Variants in WDR27 observed in about 807,000 individuals in gnomAD.
WDR27 encodes the protein WD repeat-containing protein 27.
WDR27 carries 100 observed loss-of-function variants against 114.4 expected under a neutral mutation model. That is an observed-to-expected ratio of 0.87 (90% CI 0.74 to 1.03). The LOEUF is 1.03. Ranked by LOEUF, WDR27 falls within the 50% of genes least tolerant of loss-of-function variation. The probability of loss-of-function intolerance (pLI) is 0.00; values close to 1 mark genes in which losing one functional copy is unlikely to be tolerated. For missense variants in WDR27, 1,129 were observed against 1,092.9 expected (o/e 1.03, Z -0.47); for synonymous variants, 449 against 423.1 (o/e 1.06, Z -0.75).
At chr6:169,517,181 A>G (rs2128058616) in intron 25 of WDR27, among the ~76,000 whole-genome samples, 1 of 151,794 alleles carries the variant, frequency 6.6e-6, no homozygotes, top group Admixed American at 6.6e-5. Context: ...CCCACCACCA[A>G]CTCTCTTTCT....
At chr6:169,518,677 T>C (rs1793983446) in intron 25 of WDR27, among the ~76,000 whole-genome samples, 1 of 152,230 alleles carries the variant, frequency 6.6e-6, no homozygotes, top group African/African-American at 2.4e-5. Context: ...CTTTGAGGCC[T>C]TTTTCCCATT....
chr6:169,526,281 T>G (rs891389698), intron 25 of WDR27, among the ~76,000 whole-genome samples: 4 of 152,196 alleles, frequency 2.6e-5, no homozygotes, highest in Non-Finnish European at 5.9e-5. Flanking sequence ...TTTCATGTTC[T>G]TGGCTTTAGC....
chr6:169,634,192 G>C (rs1817113168), intron 20 of WDR27, among the ~76,000 whole-genome samples: 1 of 152,174 alleles, frequency 6.6e-6, no homozygotes. Flanking sequence ...CCACCTGCTG[G>C]ATGGCATGAG....
At chr6:169,540,431 C>CTTTTT (rs66671017) in intron 25 of WDR27, among the ~76,000 whole-genome samples, 4 of 144,804 alleles carry the variant, frequency 2.8e-5, no homozygotes, top group Non-Finnish European at 4.6e-5. Context: ...TGAATAGAAT[C>CTTTTT]TTTTTTTTTT....
the WDR27 span, among the ~76,000 whole-genome samples, chr6:169,427,869 C>T: frequency 6.6e-6 from 1 of 151,186 alleles, no homozygotes; most frequent in African/African-American, 2.4e-5. Context: ...GCAAACTCCA[C>T]AGCTTTTGAT....
At chr6:169,638,988 A>G (rs558581222) in intron 17 of WDR27, among the ~76,000 whole-genome samples, 95 of 149,870 alleles carry the variant, frequency 6.3e-4, no homozygotes, top group Non-Finnish European at 1.3e-3. Context: ...GGTACTGTGC[A>G]GTGCTGGGTA....
At chr6:169,640,323 A>C (rs1392766077) in intron 17 of WDR27, among the ~76,000 whole-genome samples, 6 of 152,248 alleles carry the variant, frequency 3.9e-5, no homozygotes, top group African/African-American at 1.4e-4. Context: ...TATCAACATA[A>C]AAAAGGCAAA....
intron 3 of WDR27, 94 bp downstream of exon 3, chr6:169,672,161 C>G (rs1778909593): frequency 2.2e-6 from 3 of 1,355,294 alleles, no homozygotes; most frequent in East Asian, 2.4e-5. Context: ...TGCTGTTACC[C>G]AAGGGAAACA....
At chr6:169,535,219 A>G (rs2128085465) in intron 25 of WDR27, among the ~76,000 whole-genome samples, 1 of 152,310 alleles carries the variant, frequency 6.6e-6, no homozygotes, top group South Asian at 2.1e-4. Context: ...ATTGTTTGAT[A>G]CCTAACAGTA....
intron 21 of WDR27, among the ~76,000 whole-genome samples, chr6:169,623,637 C>T (rs923641581): frequency 5.3e-5 from 8 of 152,162 alleles, no homozygotes; most frequent in Admixed American, 3.9e-4. Context: ...GGTGGGGGAG[C>T]ATCAACAACC....
At chr6:169,510,688 G>A (rs1360371411) in intron 25 of WDR27, among the ~76,000 whole-genome samples, 2 of 151,212 alleles carry the variant, frequency 1.3e-5, no homozygotes, top group Non-Finnish European at 2.9e-5. Context: ...GCTAAATGAC[G>A]AGTTAATGGG....
At chr6:169,651,181 GGC>G (rs1423812879) in intron 14 of WDR27, among the ~76,000 whole-genome samples, 5 of 107,320 alleles carry the variant, frequency 4.7e-5, no homozygotes, top group East Asian at 1.1e-3. Flanking sequence ...AGCAGTGCGG[GGC>G]GGGGGGGGGG....
chr6:169,522,592 C>A (rs1350436949), intron 25 of WDR27, among the ~76,000 whole-genome samples: 1 of 151,878 alleles, frequency 6.6e-6, no homozygotes, highest in Non-Finnish European at 1.5e-5. Flanking sequence ...TCAACAAATT[C>A]AAAAATTAGA....
chr6:169,659,142 C>A lies in WDR27; in HGVS notation c.1263G>T (p.Ala421=), dbSNP rs747803849. Residue 421 remains alanine, a synonymous_variant, in exon 12 of 26, where the codon GCG becomes GCT. Transcript: ENST00000448612. The surrounding 1 kb of genome is among the most constrained non-coding windows in gnomAD (Gnocchi z 4.3). The part of the protein sequence containing the change: ...KIAVLEINPA[A]LVRAQQCPSM... ...TGGGGCACTGCTGAGCCCTGACTAG[C>A]GCGGCCGGGTTGATCTCCAACACGG... 4 of 1,611,042 alleles carry A rather than the reference C, an allele frequency of 2.5e-6. No homozygotes were observed. The highest frequency in any genetic ancestry group is 1.3e-5 in the African/African-American group (1 of 74,750).
intron 25 of WDR27, among the ~76,000 whole-genome samples, chr6:169,535,495 T>C (rs1796104252): frequency 1.3e-5 from 2 of 152,178 alleles, no homozygotes; most frequent in South Asian, 4.1e-4. Flanking sequence ...CTATTATAAG[T>C]CCTTTTTTCT....
At chr6:169,670,478 A>G (rs571364290) in intron 4 of WDR27, 91 bp downstream of exon 4, 2 of 1,492,006 alleles carry the variant, frequency 1.3e-6, no homozygotes, top group South Asian at 2.6e-5. Context: ...GAGTACAGGA[A>G]AAAAGAAAAG....
chr6:169,645,169 G>A (rs1317789555), intron 16 of WDR27, among the ~76,000 whole-genome samples: 1 of 150,100 alleles, frequency 6.7e-6, no homozygotes, highest in Non-Finnish European at 1.5e-5. Context: ...CTAATTCGTA[G>A]GAGTCACACT....
rs570980902 is a variant in WDR27 at position 169,697,267 on chromosome 6, G to C, written c.-8+4284C>G. Among the ~76,000 whole-genome samples, 68 of 152,274 alleles carry C rather than the reference G, an allele frequency of 4.5e-4. 1 individual carries two copies. The South Asian group carries it at 0.014, about 31-fold the overall frequency. On this transcript the variant is annotated intron_variant, in intron 1 of 25. Coordinates refer to ENST00000448612, the MANE Select transcript of WDR27 (RefSeq NM_182552.5). ...ATAGTGAGGAGTGACCAGAAGACCA[G>C]AGTGCGAGCCTTCTGTTATGCCCAG...
At chr6:169,669,035 C>T (rs551219795) in intron 4 of WDR27, among the ~76,000 whole-genome samples, 13 of 152,230 alleles carry the variant, frequency 8.5e-5, no homozygotes, top group South Asian at 8.3e-4. Flanking sequence ...TATACATTTC[C>T]ATTTTCTCCA....
Sources: allele counts gnomAD v4.1 joint callset (sites outside exome capture counted in the v4.1 genomes callset), GRCh38; gene constraint gnomAD v4.1.1; non-coding constraint Gnocchi (gnomAD v3.1); transcripts MANE v1.5; gene names NCBI Gene and HGNC (gene_info 2026-07-23, HGNC 2026-07-21).